ZCCHC7: variants seen among roughly 807,000 people sequenced by gnomAD.
ZCCHC7 encodes zinc finger CCHC domain-containing protein 7.
Under a neutral mutation model 52.0 loss-of-function variants are expected in ZCCHC7, and 35 were observed. The observed-to-expected ratio is 0.67, with a 90% CI of 0.51 to 0.89. The LOEUF (loss-of-function observed/expected upper bound fraction) is 0.89. Ranked by LOEUF, ZCCHC7 falls within the 40% of genes least tolerant of loss-of-function variation. ZCCHC7 has a pLI of 0.00. For missense variants in ZCCHC7, 574 were observed against 649.1 expected (o/e 0.88, Z 1.26); for synonymous variants, 217 against 221.5 (o/e 0.98, Z 0.18).
chr9:37,213,685 T>G (rs183637940), intron 2 of ZCCHC7, among the ~76,000 whole-genome samples: 47 of 152,312 alleles, frequency 3.1e-4, no homozygotes, highest in Middle Eastern at 3.4e-3. Context: ...ATCCTACTTG[T>G]GCTGTTGTTG....
At chr9:37,239,262 A>T (rs1341271444) in intron 2 of ZCCHC7, among the ~76,000 whole-genome samples, 1 of 152,186 alleles carries the variant, frequency 6.6e-6, no homozygotes, top group Admixed American at 6.5e-5. Flanking sequence ...CATTATCTAA[A>T]TATTTATATA....
At chr9:37,121,069 A>G (rs932633259) in intron 1 of ZCCHC7, among the ~76,000 whole-genome samples, 3 of 152,188 alleles carry the variant, frequency 2.0e-5, no homozygotes, top group Non-Finnish European at 2.9e-5. Context: ...CTGCAGCAGT[A>G]GAATCCAAAA....
intron 6 of ZCCHC7, among the ~76,000 whole-genome samples, chr9:37,343,392 G>T (rs923427955): frequency 6.6e-6 from 1 of 152,054 alleles, no homozygotes; most frequent in Admixed American, 6.6e-5. Context: ...ATTCCATTTT[G>T]TAGGCCTCAG....
chr9:37,209,484 A>G (rs940627848), intron 2 of ZCCHC7, among the ~76,000 whole-genome samples: 32 of 152,080 alleles, frequency 2.1e-4, no homozygotes, highest in Non-Finnish European at 7.4e-5. Context: ...CATCAGAGAG[A>G]ATTCCCCTCA....
At chr9:37,264,302 T>C (rs958105633) in intron 2 of ZCCHC7, among the ~76,000 whole-genome samples, 1 of 152,174 alleles carries the variant, frequency 6.6e-6, no homozygotes, top group East Asian at 1.9e-4. Context: ...ATAAAATGCG[T>C]TTAATTTTTT....
rs1232281527 is a variant in ZCCHC7 at position 37,126,324 on chromosome 9, T to C, written c.-9T>C. 2 of 1,604,626 alleles carry C rather than the reference T, an allele frequency of 1.2e-6. No homozygotes were observed. The highest frequency in any genetic ancestry group is 1.7e-6 in the Non-Finnish European group (2 of 1,175,626). ...TTCTCTTTTGCAGCTTCAAGGTTAC[T>C]GACTTTTTATGATGTTTGGTGGCTA... is the stretch of plus-strand genomic sequence containing the variant. On this transcript the variant is annotated 5_prime_UTR_variant, in exon 2 of 9. Coordinates refer to ENST00000336755, the MANE Select transcript of ZCCHC7 (RefSeq NM_032226.3).
intron 2 of ZCCHC7, among the ~76,000 whole-genome samples, chr9:37,284,942 C>T (rs1828138909): frequency 6.6e-6 from 1 of 152,120 alleles, no homozygotes; most frequent in Admixed American, 6.5e-5. Context: ...ATTCATATTT[C>T]TATGTACAAA....
chr9:37,283,001 T>C (rs1234859033), intron 2 of ZCCHC7, among the ~76,000 whole-genome samples: 1 of 150,244 alleles, frequency 6.7e-6, no homozygotes. Flanking sequence ...TTGAAGCAAC[T>C]CAATCATGCT....
intron 2 of ZCCHC7, among the ~76,000 whole-genome samples, chr9:37,222,664 A>G (rs1246199548): frequency 6.6e-6 from 1 of 152,094 alleles, no homozygotes; most frequent in African/African-American, 2.4e-5. Flanking sequence ...TGTTCAAGAA[A>G]CTGGTAGGAC....
intron 2 of ZCCHC7, among the ~76,000 whole-genome samples, chr9:37,158,481 G>A (rs1820929736): frequency 1.3e-5 from 2 of 152,216 alleles, no homozygotes; most frequent in South Asian, 4.1e-4. Flanking sequence ...TGGGAACAGT[G>A]TGTAAGGAGT....
intron 2 of ZCCHC7, among the ~76,000 whole-genome samples, chr9:37,282,430 C>A (rs1828003438): frequency 6.6e-6 from 1 of 151,836 alleles, no homozygotes; most frequent in African/African-American, 2.4e-5. Context: ...CAGTGAAACC[C>A]CGTCTCTACT....
intron 6 of ZCCHC7, among the ~76,000 whole-genome samples, chr9:37,347,360 A>G (rs1448076168): frequency 1.3e-5 from 2 of 152,102 alleles, no homozygotes; most frequent in African/African-American, 2.4e-5. Context: ...TACAACTTCC[A>G]TTCAATTTTT....
At chr9:37,283,450 T>C (rs1828066183) in intron 2 of ZCCHC7, among the ~76,000 whole-genome samples, 1 of 152,180 alleles carries the variant, frequency 6.6e-6, no homozygotes, top group South Asian at 2.1e-4. Flanking sequence ...AACTTTAAAA[T>C]GGAAAAGTGG....
intron 2 of ZCCHC7, among the ~76,000 whole-genome samples, chr9:37,135,852 A>G (rs1029724959): frequency 3.9e-5 from 6 of 152,210 alleles, no homozygotes; most frequent in African/African-American, 1.4e-4. Flanking sequence ...CTATACACAC[A>G]GAAGTTTTGG....
chr9:37,294,059 G>A (rs971789912), intron 2 of ZCCHC7, among the ~76,000 whole-genome samples: 17 of 152,052 alleles, frequency 1.1e-4, no homozygotes, highest in Admixed American at 4.6e-4. Context: ...TTAAACTATT[G>A]CCACTTATAC....
At chr9:37,294,798 G>T (rs1456508502) in intron 2 of ZCCHC7, among the ~76,000 whole-genome samples, 1 of 152,012 alleles carries the variant, frequency 6.6e-6, no homozygotes, top group Non-Finnish European at 1.5e-5. Flanking sequence ...AAATAGATAT[G>T]GTCTCAGTCC....
At chr9:37,247,536 C>G (rs554156099) in intron 2 of ZCCHC7, among the ~76,000 whole-genome samples, 82 of 152,282 alleles carry the variant, frequency 5.4e-4, no homozygotes, top group African/African-American at 1.9e-3. Context: ...GAATGTTGTA[C>G]TGTTTCTGAA....
intron 2 of ZCCHC7, among the ~76,000 whole-genome samples, chr9:37,298,255 TA>T (rs988854010): frequency 9.2e-5 from 14 of 152,090 alleles, no homozygotes; most frequent in African/African-American, 3.4e-4. Context: ...GGGCAAAGTG[TA>T]AAAAAATAGA....
At chr9:37,138,917 T>C (rs971946757) in intron 2 of ZCCHC7, among the ~76,000 whole-genome samples, 6 of 151,966 alleles carry the variant, frequency 3.9e-5, no homozygotes, top group African/African-American at 1.4e-4. Context: ...ATTTTTATGG[T>C]CAGAAAGTAA....
Sources: allele counts gnomAD v4.1 joint callset (sites outside exome capture counted in the v4.1 genomes callset), GRCh38; gene constraint gnomAD v4.1.1; transcripts MANE v1.5; gene names NCBI Gene and HGNC (gene_info 2026-07-23, HGNC 2026-07-21).